The following ZBTB20 variants were observed in gnomAD, a reference collection of about 807,000 sequenced individuals.
ZBTB20 encodes zinc finger and BTB domain-containing protein 20.
ZBTB20 carries 9 observed loss-of-function variants against 56.9 expected under a neutral mutation model. That is an observed-to-expected ratio of 0.16 (90% CI 0.10 to 0.28). ZBTB20 has a LOEUF of 0.28. Ranked by LOEUF, ZBTB20 falls within the 10% of genes least tolerant of loss-of-function variation. The pLI is 1.00. For synonymous variants in ZBTB20, 417 were observed against 420.7 expected (o/e 0.99, Z 0.11); for missense variants, 655 against 1,003.0 (o/e 0.65, Z 4.69).
chr3:115,025,624 G>A (rs1050659540), intron 2 of ZBTB20, among the ~76,000 whole-genome samples: 3 of 150,576 alleles, frequency 2.0e-5, no homozygotes, highest in African/African-American at 7.3e-5. Flanking sequence ...TACAAATTGA[G>A]GAAAGCCTTA....
chr3:114,426,645 C>T (rs1026924711), intron 7 of ZBTB20, among the ~76,000 whole-genome samples: 5 of 152,146 alleles, frequency 3.3e-5, no homozygotes, highest in African/African-American at 1.2e-4. Context: ...CATAAGCCTG[C>T]ATCTACGGAA....
chr3:115,051,867 A>C (rs1294635243), intron 2 of ZBTB20, among the ~76,000 whole-genome samples: 2 of 152,182 alleles, frequency 1.3e-5, no homozygotes, highest in Non-Finnish European at 2.9e-5. Context: ...GAAAACTTAA[A>C]GGTGAAGGGG....
In ZBTB20 at chr3:114,991,588, G is replaced by C. The variant is rs547535726; in HGVS notation, c.-506-17172C>G. Among the ~76,000 whole-genome samples, 6 of 152,220 alleles carry C rather than the reference G, an allele frequency of 3.9e-5. No individual in the cohort carries two copies. In the East Asian group the frequency reaches 1.2e-3, roughly 29 times the overall value. ...AGAAGAATGTATATTCTGTTGATTT[G>C]GGGTGGAGAGTTCTGTAGATGTCTA... On this transcript the variant is annotated intron_variant, in intron 2 of 11. Transcript: ENST00000675478.
chr3:115,147,019 GGCGCGCGCGCTCATCCA>G (rs952513151), intron 1 of ZBTB20, among the ~76,000 whole-genome samples, 183 bp downstream of exon 1: 2 of 149,656 alleles, frequency 1.3e-5, no homozygotes, highest in African/African-American at 4.9e-5. Flanking sequence ...GGGGCGCGGG[GGCGCGCGCGCTCATCCA>G]GCTCAGGGCC....
At chr3:114,765,207 T>C (rs1024463842) in intron 5 of ZBTB20, among the ~76,000 whole-genome samples, 3 of 152,168 alleles carry the variant, frequency 2.0e-5, no homozygotes, top group African/African-American at 7.2e-5. Flanking sequence ...ATAATTATTA[T>C]GGGTTTAATT....
rs1237783864 is a variant in ZBTB20 at position 114,316,795 on chromosome 3, G to A, written c.*22210C>T. The A allele has an allele frequency of 6.9e-6, 2 of 290,230 alleles. No individual in the cohort carries two copies. Among genetic ancestry groups the A allele is most frequent in the Non-Finnish European group, 1.4e-5 (2 of 145,394 alleles). 18.0% of individuals were successfully genotyped at this position (290,230 alleles called of 1,614,324 possible). ...AGAGAAACCTGGGTTTGGTCATGCT[G>A]GGGGCTGACGTGGCAGTGCCAGGCT... On this transcript the variant is annotated 3_prime_UTR_variant, in exon 12 of 12. Transcript: ENST00000675478.
intron 6 of ZBTB20, among the ~76,000 whole-genome samples, chr3:114,679,287 A>T (rs192911230): frequency 6.6e-6 from 1 of 152,346 alleles, no homozygotes; most frequent in East Asian, 1.9e-4. Flanking sequence ...GACAAATGGG[A>T]TCTAATTAAA....
chr3:114,990,768 T>C (rs1467079917), intron 2 of ZBTB20, among the ~76,000 whole-genome samples: 3 of 152,184 alleles, frequency 2.0e-5, no homozygotes, highest in East Asian at 1.9e-4. Flanking sequence ...TATTAATTAT[T>C]GCCTCAATTT....
intron 2 of ZBTB20, among the ~76,000 whole-genome samples, chr3:115,061,232 G>T (rs1168088086): frequency 6.6e-6 from 1 of 152,116 alleles, no homozygotes; most frequent in Non-Finnish European, 1.5e-5. Context: ...GAAAAGGTAT[G>T]ACCTACTGCC....
chr3:114,633,410 AT>A (rs201095918), intron 6 of ZBTB20, among the ~76,000 whole-genome samples: 3 of 151,660 alleles, frequency 2.0e-5, no homozygotes, highest in Non-Finnish European at 2.9e-5. Context: ...TTTCACTACA[AT>A]TTTTTTTTCC....
intron 2 of ZBTB20, among the ~76,000 whole-genome samples, chr3:115,006,402 T>A (rs1343364669): frequency 6.6e-6 from 1 of 151,554 alleles, no homozygotes; most frequent in Non-Finnish European, 1.5e-5. Flanking sequence ...GTCTTTGTTT[T>A]CTCCACTCTA....
chr3:114,767,898 T>C (rs2068895531), intron 5 of ZBTB20, among the ~76,000 whole-genome samples: 1 of 152,020 alleles, frequency 6.6e-6, no homozygotes, highest in Admixed American at 6.6e-5. Flanking sequence ...TAAATGAAAC[T>C]TATCAACCTT....
At chr3:114,540,973 CT>C (rs1404119668) in intron 6 of ZBTB20, among the ~76,000 whole-genome samples, 1 of 151,878 alleles carries the variant, frequency 6.6e-6, no homozygotes, top group Non-Finnish European at 1.5e-5. Context: ...ATACTGAACC[CT>C]AGGACTTTTT....
chr3:114,835,641 T>C (rs2108976115), intron 4 of ZBTB20, among the ~76,000 whole-genome samples: 1 of 152,292 alleles, frequency 6.6e-6, no homozygotes, highest in South Asian at 2.1e-4. Flanking sequence ...AGATCAAGTA[T>C]AAGCCCCTCA....
At chr3:114,595,355 A>G (rs1248819833) in intron 6 of ZBTB20, among the ~76,000 whole-genome samples, 2 of 152,248 alleles carry the variant, frequency 1.3e-5, no homozygotes, top group African/African-American at 4.8e-5. Context: ...ATGAGAAACT[A>G]AAGGTCACAT....
chr3:114,954,730 G>T (rs953285816), intron 3 of ZBTB20, among the ~76,000 whole-genome samples: 3 of 152,192 alleles, frequency 2.0e-5, no homozygotes, highest in African/African-American at 7.2e-5. Flanking sequence ...TCTAAGCTAA[G>T]ATAAGGTTTG....
chr3:114,660,263 G>A (rs989874784), intron 6 of ZBTB20, among the ~76,000 whole-genome samples: 7 of 152,044 alleles, frequency 4.6e-5, no homozygotes, highest in East Asian at 1.9e-4. Context: ...CGTTTCCCTC[G>A]GTTGGAGAAG....
intron 5 of ZBTB20, among the ~76,000 whole-genome samples, chr3:114,760,771 A>G (rs2068375479): frequency 6.6e-6 from 1 of 152,192 alleles, no homozygotes; most frequent in African/African-American, 2.4e-5. Flanking sequence ...TGCTTGACAC[A>G]CACTGCCTTT....
Position 114,351,887 on chromosome 3 carries a change from T to C in ZBTB20, c.200-9A>G. 3.2e-6 allele frequency: 5 copies of C among 1,579,008 alleles called. No homozygotes were observed. The highest frequency in any genetic ancestry group is 4.3e-6 in the Non-Finnish European group (5 of 1,157,038). ...CTTGCAACTGATGTCACCTGCAGCATGTCAACGCAGACACAAAACAGGGCA... is the reference window on the plus strand; with the variant it reads ...CTTGCAACTGATGTCACCTGCAGCACGTCAACGCAGACACAAAACAGGGCA... On this transcript the variant is annotated splice_polypyrimidine_tract_variant and intron_variant, in intron 10 of 11. Coordinates refer to ENST00000675478, the MANE Select transcript of ZBTB20 (RefSeq NM_001348800.3).
Sources: allele counts gnomAD v4.1 joint callset (sites outside exome capture counted in the v4.1 genomes callset), GRCh38; gene constraint gnomAD v4.1.1; transcripts MANE v1.5; gene names NCBI Gene and HGNC (gene_info 2026-07-23, HGNC 2026-07-21).